The following HECA variants were observed in gnomAD, a reference collection of about 807,000 sequenced individuals.
HECA encodes the protein HECA ribonucleoprotein granule regulator.
Under a neutral mutation model 37.6 loss-of-function variants are expected in HECA, and 13 were observed. The ratio of observed to expected loss-of-function variants is 0.35; its 90% confidence interval spans 0.23 to 0.55. The LOEUF (loss-of-function observed/expected upper bound fraction) is 0.55, where lower values mean the gene tolerates loss of function less well. HECA is among the 20% of genes least tolerant of loss of function. HECA has a pLI of 0.90. For synonymous variants in HECA, 307 were observed against 291.5 expected (o/e 1.05, Z -0.54); for missense variants, 527 against 701.9 (o/e 0.75, Z 2.82).
intron 1 of HECA, among the ~76,000 whole-genome samples, chr6:139,163,668 A>G (rs1774839632): frequency 6.6e-6 from 1 of 152,158 alleles, no homozygotes; most frequent in Non-Finnish European, 1.5e-5. Flanking sequence ...CTGCCTGGAC[A>G]TAATTCTCTC....
chr6:139,174,231 A>C (rs1266764660), intron 2 of HECA, among the ~76,000 whole-genome samples, 154 bp from the exon 3 acceptor site: 1 of 152,260 alleles, frequency 6.6e-6, no homozygotes, highest in Non-Finnish European at 1.5e-5. Flanking sequence ...TCCTGAAAGG[A>C]CAGCTTGTGT....
chr6:139,175,288 A>C (rs528285667), intron 3 of HECA, among the ~76,000 whole-genome samples: 2 of 152,362 alleles, frequency 1.3e-5, no homozygotes, highest in Non-Finnish European at 2.9e-5. Flanking sequence ...TCTCATGGGC[A>C]GGAGAGAAAT....
At chr6:139,144,790 G>A (rs1467135402) in intron 1 of HECA, among the ~76,000 whole-genome samples, 2 of 152,242 alleles carry the variant, frequency 1.3e-5, no homozygotes, top group Non-Finnish European at 2.9e-5. Context: ...CAATGAAGCA[G>A]AGGGCACATG....
intron 2 of HECA, among the ~76,000 whole-genome samples, chr6:139,171,412 T>G (rs1412246525): frequency 6.6e-6 from 1 of 152,158 alleles, no homozygotes; most frequent in Non-Finnish European, 1.5e-5. Flanking sequence ...ACAAAGATAC[T>G]GAGAAGTTGA....
At chr6:139,154,710 A>C (rs1774692465) in intron 1 of HECA, among the ~76,000 whole-genome samples, 1 of 152,242 alleles carries the variant, frequency 6.6e-6, no homozygotes, top group South Asian at 2.1e-4. Flanking sequence ...TTTGGCCTCC[A>C]AATACCATTT....
At chr6:139,141,359 G>A (rs567171365) in intron 1 of HECA, among the ~76,000 whole-genome samples, 1 of 152,230 alleles carries the variant, frequency 6.6e-6, no homozygotes, top group South Asian at 2.1e-4. Context: ...TTTACACATA[G>A]AATAGTTTGT....
In HECA at chr6:139,166,589, C is replaced by A; in HGVS notation, c.577C>A (p.Gln193Lys). The change falls in exon 2 of 4, where the codon CAG becomes AAG. Residue 193 changes from glutamine (Q) to lysine (K), a missense_variant. Transcript: ENST00000367658. ...CTTGAAGAAGGACACAGACTGGTAT[C>A]AGGTGAAGCGGATGCAGGACGAGAA... ...GHLKKDTDWY[Q>K]VKRMQDEKKK... 6.2e-7 allele frequency: 1 copy of A among 1,614,236 alleles called. No individual in the cohort carries two copies. Among genetic ancestry groups the A allele is most frequent in the African/African-American group, 1.3e-5 (1 of 75,064 alleles).
chr6:139,170,582 G>A (rs1043299440), intron 2 of HECA: 1 of 152,370 alleles, frequency 6.6e-6, no homozygotes, highest in African/African-American at 2.4e-5. Context: ...CAAAGGAAGG[G>A]TGGTTAAAAA....
intron 1 of HECA, among the ~76,000 whole-genome samples, chr6:139,164,817 G>A (rs73774995): frequency 0.17 from 17,668 of 100,978 alleles, 1,401 homozygotes; most frequent in East Asian, 0.26. Flanking sequence ...TCATACAACC[G>A]GCAGCCACTC....
chr6:139,148,666 T>C (rs1445326725), intron 1 of HECA, among the ~76,000 whole-genome samples: 1 of 152,070 alleles, frequency 6.6e-6, no homozygotes, highest in Admixed American at 6.5e-5. Flanking sequence ...CTCGTGAGGC[T>C]GAGGCAGGAG....
At chr6:139,136,923 C>A (rs1445837109) in intron 1 of HECA, among the ~76,000 whole-genome samples, 7 of 152,038 alleles carry the variant, frequency 4.6e-5, no homozygotes, top group Non-Finnish European at 1.0e-4. Flanking sequence ...CGTGAGTCAC[C>A]ACGCCCAGCC....
At chr6:139,145,707 G>T (rs562987278) in intron 1 of HECA, among the ~76,000 whole-genome samples, 1 of 152,154 alleles carries the variant, frequency 6.6e-6, no homozygotes, top group Non-Finnish European at 1.5e-5. Context: ...GTAGGGGCTT[G>T]TATGTTATTT....
At chr6:139,168,480 A>C (rs1774926331) in intron 2 of HECA, among the ~76,000 whole-genome samples, 1 of 150,646 alleles carries the variant, frequency 6.6e-6, no homozygotes, top group Admixed American at 6.6e-5. Context: ...AGCTTTACAA[A>C]CCATCTTTCA....
intron 1 of HECA, among the ~76,000 whole-genome samples, chr6:139,153,484 G>A (rs1255300678): frequency 2.0e-5 from 3 of 151,386 alleles, no homozygotes; most frequent in Non-Finnish European, 2.9e-5. Flanking sequence ...GTGCAGTGGC[G>A]CGATCTCGGC....
At chr6:139,166,215 T>C in intron 1 of HECA, 69 bp from the exon 2 acceptor site, 1 of 1,240,526 alleles carries the variant, frequency 8.1e-7, no homozygotes, top group Non-Finnish European at 1.1e-6. Context: ...TACCATACTG[T>C]TGCAAGTACA....
chr6:139,149,286 T>G (rs781470942), intron 1 of HECA, among the ~76,000 whole-genome samples: 2 of 152,144 alleles, frequency 1.3e-5, no homozygotes, highest in Non-Finnish European at 2.9e-5. Context: ...AGACACAGGT[T>G]ATAGGTGATC....
intron 1 of HECA, among the ~76,000 whole-genome samples, chr6:139,159,454 TC>T (rs368756750): frequency 4.1e-4 from 62 of 152,222 alleles, no homozygotes; most frequent in African/African-American, 1.5e-3. Context: ...TGTCTTTTTT[TC>T]CTCCTTTAAA....
At chr6:139,140,210 A>G (rs1774496953) in intron 1 of HECA, among the ~76,000 whole-genome samples, 1 of 152,212 alleles carries the variant, frequency 6.6e-6, no homozygotes, top group African/African-American at 2.4e-5. Flanking sequence ...ACCTATATCC[A>G]TCAGTAGGAA....
At chr6:139,166,117 A>C in intron 1 of HECA, 167 bp from the exon 2 acceptor site, 1 of 598,634 alleles carries the variant, frequency 1.7e-6, no homozygotes, top group Non-Finnish European at 2.9e-6. Context: ...TAGCTTCATC[A>C]TATTATTCCC....
Sources: gnomAD v4.1 joint callset for allele counts (sites outside exome capture counted in the v4.1 genomes callset) on GRCh38, gnomAD v4.1.1 for gene constraint, MANE v1.5 for transcripts, NCBI Gene and HGNC (gene_info 2026-07-23, HGNC 2026-07-21) for gene names.